Variants in FCHSD2 observed in about 807,000 individuals in gnomAD.
The protein encoded by FCHSD2 is F-BAR and double SH3 domains protein 2.
Under a neutral mutation model 108.1 loss-of-function variants are expected in FCHSD2, and 38 were observed. The ratio of observed to expected loss-of-function variants is 0.35; its 90% CI spans 0.27 to 0.46. FCHSD2 has a LOEUF of 0.46. Ranked by LOEUF, FCHSD2 falls within the 20% of genes least tolerant of loss-of-function variation. The pLI is 1.00. For missense variants in FCHSD2, 751 were observed against 897.8 expected (o/e 0.84, Z 2.09); for synonymous variants, 279 against 314.7 (o/e 0.89, Z 1.20).
intron 2 of FCHSD2, among the ~76,000 whole-genome samples, chr11:73,090,813 T>C (rs1859939552): frequency 1.3e-5 from 2 of 152,198 alleles, no homozygotes; most frequent in Non-Finnish European, 2.9e-5. Flanking sequence ...AAGTAAACAA[T>C]TCAGTGACAT....
At chr11:73,030,236 A>T (rs1858326701) in intron 3 of FCHSD2, among the ~76,000 whole-genome samples, 1 of 152,174 alleles carries the variant, frequency 6.6e-6, no homozygotes, top group African/African-American at 2.4e-5. Context: ...TCTTGTCCAA[A>T]AGTCAAGACA....
chr11:73,129,142 A>G (rs1212314779), intron 2 of FCHSD2, among the ~76,000 whole-genome samples: 1 of 152,158 alleles, frequency 6.6e-6, no homozygotes, highest in Non-Finnish European at 1.5e-5. Context: ...AAGTGCTGGG[A>G]TTACAGGCAT....
At chr11:73,045,881 A>C (rs571760828) in intron 3 of FCHSD2, among the ~76,000 whole-genome samples, 18 of 152,162 alleles carry the variant, frequency 1.2e-4, no homozygotes, top group Non-Finnish European at 2.6e-4. Flanking sequence ...ACTAACCTGC[A>C]CAATGTGCAC....
chr11:72,851,078 G>A (rs1861275189), intron 13 of FCHSD2, among the ~76,000 whole-genome samples: 1 of 143,212 alleles, frequency 7.0e-6, no homozygotes, highest in Non-Finnish European at 1.5e-5. Context: ...CTACAGCTGG[G>A]GCGACACAGC....
At chr11:73,131,889 TA>T (rs1180962868) in intron 2 of FCHSD2, among the ~76,000 whole-genome samples, 1 of 152,132 alleles carries the variant, frequency 6.6e-6, no homozygotes, top group South Asian at 2.1e-4. Flanking sequence ...ATATGCATAA[TA>T]AAAAAAGATA....
At chr11:73,016,878 A>AG (rs1857986016) in intron 3 of FCHSD2, among the ~76,000 whole-genome samples, 1 of 152,210 alleles carries the variant, frequency 6.6e-6, no homozygotes, top group African/African-American at 2.4e-5. Context: ...TGTCAGGGAG[A>AG]GGTACAGGGA....
intron 12 of FCHSD2, among the ~76,000 whole-genome samples, chr11:72,877,179 G>A (rs1854988628): frequency 6.6e-6 from 1 of 151,854 alleles, no homozygotes; most frequent in Non-Finnish European, 1.5e-5. Context: ...TAGAGATGGG[G>A]TTTTGCCACT....
intron 9 of FCHSD2, among the ~76,000 whole-genome samples, chr11:72,911,554 G>C (rs949247670): frequency 6.6e-6 from 1 of 152,152 alleles, no homozygotes; most frequent in South Asian, 2.1e-4. Context: ...AGACTGCATT[G>C]AATCTGTAGA....
chr11:72,849,285 C>T (rs1172871721), intron 14 of FCHSD2, among the ~76,000 whole-genome samples: 1 of 152,150 alleles, frequency 6.6e-6, no homozygotes, highest in Non-Finnish European at 1.5e-5. Flanking sequence ...ACATCGTCCT[C>T]GGGGCTGAAG....
At chr11:72,861,224 A>G (rs1302744736) in intron 13 of FCHSD2, among the ~76,000 whole-genome samples, 6 of 152,152 alleles carry the variant, frequency 3.9e-5, no homozygotes, top group Non-Finnish European at 7.4e-5. Context: ...AATTTTCCAG[A>G]TAATCAAAGG....
intron 8 of FCHSD2, among the ~76,000 whole-genome samples, chr11:72,954,596 A>G (rs1856678244): frequency 6.6e-6 from 1 of 152,138 alleles, no homozygotes; most frequent in South Asian, 2.1e-4. Context: ...TTTTAGCTTG[A>G]GTAATTCCAA....
chr11:73,017,578 C>G (rs1858001945), intron 3 of FCHSD2, among the ~76,000 whole-genome samples: 1 of 152,172 alleles, frequency 6.6e-6, no homozygotes, highest in African/African-American at 2.4e-5. Flanking sequence ...TTCACTATTT[C>G]TAAGTATTGT....
At chr11:72,843,059 T>C in intron 16 of FCHSD2, 92 bp downstream of exon 16, 1 of 1,250,604 alleles carries the variant, frequency 8.0e-7, no homozygotes, top group Non-Finnish European at 1.1e-6. Flanking sequence ...AGGAGGAAAG[T>C]TGTGCTTTTT....
rs567772902 is a variant in FCHSD2, at chr11:73,106,289, C to T, written c.120-22549G>A. 1.5e-4 allele frequency among the ~76,000 whole-genome samples: 23 copies of T among 151,794 alleles called. No individual in the cohort carries two copies. The South Asian group carries it at 4.4e-3, about 29-fold the overall frequency. On this transcript the variant is annotated intron_variant, in intron 2 of 19. Transcript: ENST00000409418. ...GGACATGGTGACATAAACCTATATC[C>T]CCAGCATTCGGGAGGCTAAGGCAGG...
intron 2 of FCHSD2, among the ~76,000 whole-genome samples, chr11:73,086,291 C>G (rs901047240): frequency 1.3e-5 from 2 of 152,142 alleles, no homozygotes; most frequent in Non-Finnish European, 2.9e-5. Flanking sequence ...TGCCTGTGGT[C>G]CCAGCTACTC....
chr11:72,848,269 C>T (rs1165814848), intron 14 of FCHSD2, among the ~76,000 whole-genome samples: 2 of 152,136 alleles, frequency 1.3e-5, no homozygotes, highest in South Asian at 4.1e-4. Context: ...TATGCACAGC[C>T]CCTCTGTTCT....
chr11:72,994,018 G>C (rs759040669), intron 5 of FCHSD2, among the ~76,000 whole-genome samples: 2 of 152,196 alleles, frequency 1.3e-5, no homozygotes, highest in African/African-American at 2.4e-5. Flanking sequence ...TCTGTCTATA[G>C]AGTTGTTGTA....
chr11:72,856,529 C>T (rs144605758), intron 13 of FCHSD2, among the ~76,000 whole-genome samples: 3,310 of 152,244 alleles, frequency 0.022, 53 homozygotes, highest in Non-Finnish European at 0.03. Context: ...GAAAAGATTA[C>T]ACAGAATTGT....
chr11:73,042,080 T>C (rs893082309), intron 3 of FCHSD2, among the ~76,000 whole-genome samples: 3 of 152,046 alleles, frequency 2.0e-5, no homozygotes, highest in Non-Finnish European at 2.9e-5. Context: ...GTGCCCACCA[T>C]CACACCCAGC....
Sources: gnomAD v4.1 joint callset for allele counts (sites outside exome capture counted in the v4.1 genomes callset) on GRCh38, gnomAD v4.1.1 for gene constraint, MANE v1.5 for transcripts, NCBI Gene and HGNC (gene_info 2026-07-23, HGNC 2026-07-21) for gene names.